NDUFAF2: variants seen among roughly 807,000 people sequenced by gnomAD.
The protein encoded by NDUFAF2 is NADH dehydrogenase [ubiquinone] 1 alpha subcomplex assembly factor 2.
In NDUFAF2, 13 loss-of-function variants were observed where a neutral mutation model predicts 22.8. That is an observed-to-expected ratio of 0.57 (90% confidence interval 0.37 to 0.91). NDUFAF2 has a LOEUF of 0.91. NDUFAF2 is among the 40% of genes least tolerant of loss of function. NDUFAF2 has a pLI of 0.01. For synonymous variants in NDUFAF2, 53 were observed against 64.2 expected, an observed-to-expected ratio of 0.83 and a Z score of 0.84; for missense variants, 162 against 195.2, an observed-to-expected ratio of 0.83 and a Z score of 1.01.
In NDUFAF2 at chr5:61,143,371, A is replaced by G. The variant is rs144508764; in HGVS notation, c.259-9333A>G. Reference sequence around the variant, plus strand: ...TAAAATAAAAATTATTCACTAGTATATATGGTTTAAATTATGGAAAGAAAT... The same window carrying G: ...TAAAATAAAAATTATTCACTAGTATGTATGGTTTAAATTATGGAAAGAAAT... On this transcript the variant is annotated intron_variant, in intron 3 of 3. Coordinates refer to ENST00000296597, the MANE Select transcript of NDUFAF2 (RefSeq NM_174889.5). Among the ~76,000 whole-genome samples the G allele has an allele frequency of 6.2e-4, 94 of 152,246 alleles. 4 individuals carry two copies. The South Asian group carries it at 0.012, about 20-fold the overall frequency.
chr5:61,015,905 T>C (rs13178029), intron 1 of NDUFAF2, among the ~76,000 whole-genome samples: 1 of 152,074 alleles, frequency 6.6e-6, no homozygotes, highest in Non-Finnish European at 1.5e-5. Flanking sequence ...AAAAGACTTA[T>C]GGCTGGGTGC....
intron 1 of NDUFAF2, among the ~76,000 whole-genome samples, chr5:61,046,342 G>T (rs1044938696): frequency 2.0e-5 from 3 of 152,048 alleles, no homozygotes; most frequent in Admixed American, 6.6e-5. Context: ...GAGTTCAGAA[G>T]TTTTTTTGGA....
intron 1 of NDUFAF2, among the ~76,000 whole-genome samples, chr5:61,001,451 G>GCTGT (rs1333627937): frequency 6.6e-6 from 1 of 152,082 alleles, no homozygotes; most frequent in Non-Finnish European, 1.5e-5. Context: ...ACGCTTATGT[G>GCTGT]CTGTCTGCTC....
At chr5:60,951,026 T>TTTTA (rs1171498576) in intron 1 of NDUFAF2, among the ~76,000 whole-genome samples, 7 of 152,090 alleles carry the variant, frequency 4.6e-5, no homozygotes, top group African/African-American at 4.8e-5. Context: ...GCTCCTTTCT[T>TTTTA]TTTATTTATT....
intron 1 of NDUFAF2, among the ~76,000 whole-genome samples, chr5:60,956,607 C>T (rs1750619038): frequency 6.6e-6 from 1 of 152,060 alleles, no homozygotes; most frequent in Non-Finnish European, 1.5e-5. Flanking sequence ...GATGGTCATA[C>T]AGTTTTTGTC....
intron 1 of NDUFAF2, among the ~76,000 whole-genome samples, chr5:60,985,435 A>G (rs1257126768): frequency 6.6e-6 from 1 of 152,034 alleles, no homozygotes; most frequent in Non-Finnish European, 1.5e-5. Context: ...ACCTTCTGCT[A>G]GCTTTTGAAT....
intron 1 of NDUFAF2, among the ~76,000 whole-genome samples, chr5:61,051,215 A>G (rs556360212): frequency 3.3e-5 from 5 of 152,258 alleles, no homozygotes; most frequent in South Asian, 4.1e-4. Context: ...CCTAACTGCT[A>G]TTTGATAGAT....
chr5:61,129,807 C>T (rs1203594955), intron 3 of NDUFAF2, among the ~76,000 whole-genome samples: 1 of 151,608 alleles, frequency 6.6e-6, no homozygotes, highest in Non-Finnish European at 1.5e-5. Context: ...AGGAAAAGTA[C>T]TTATAAGTAA....
chr5:61,089,117 G>C (rs1752538183), intron 2 of NDUFAF2, among the ~76,000 whole-genome samples: 2 of 152,082 alleles, frequency 1.3e-5, no homozygotes, highest in Admixed American at 6.6e-5. Context: ...GTGATTAAAG[G>C]GTGCTTTAAT....
chr5:61,021,735 A>C (rs1373758311), intron 1 of NDUFAF2, among the ~76,000 whole-genome samples: 3 of 152,268 alleles, frequency 2.0e-5, no homozygotes, highest in Non-Finnish European at 4.4e-5. Context: ...TTACCTTTGC[A>C]TACCATGCTC....
intron 1 of NDUFAF2, among the ~76,000 whole-genome samples, chr5:60,974,238 A>G (rs1750871577): frequency 6.6e-6 from 1 of 152,194 alleles, no homozygotes; most frequent in African/African-American, 2.4e-5. Flanking sequence ...TCTTTCTCCT[A>G]TGCCGGACGC....
At chr5:61,143,087 T>C (rs1293253691) in intron 3 of NDUFAF2, among the ~76,000 whole-genome samples, 1 of 152,150 alleles carries the variant, frequency 6.6e-6, no homozygotes, top group African/African-American at 2.4e-5. Context: ...AATATTCAAC[T>C]CTGAACGTTT....
intron 3 of NDUFAF2, among the ~76,000 whole-genome samples, chr5:61,139,561 A>G (rs375957258): frequency 4.7e-4 from 72 of 152,356 alleles, no homozygotes; most frequent in African/African-American, 1.7e-3. Flanking sequence ...GACAACTTAA[A>G]TTTGGTATGT....
chr5:61,107,756 G>A (rs988060684), intron 3 of NDUFAF2, among the ~76,000 whole-genome samples: 9 of 149,764 alleles, frequency 6.0e-5, no homozygotes, highest in Admixed American at 3.3e-4. Flanking sequence ...ATGCTGGTGC[G>A]CTGCACCCAC....
chr5:61,044,181 G>A (rs1209803629), intron 1 of NDUFAF2, among the ~76,000 whole-genome samples: 1 of 151,362 alleles, frequency 6.6e-6, no homozygotes, highest in South Asian at 2.1e-4. Flanking sequence ...TAGGTCCTTT[G>A]CTTATTTTTT....
chr5:61,104,800 T>C (rs1752742998), intron 3 of NDUFAF2, among the ~76,000 whole-genome samples: 1 of 151,722 alleles, frequency 6.6e-6, no homozygotes, highest in African/African-American at 2.4e-5. Flanking sequence ...TTGGTAAATA[T>C]GACATTGGAA....
intron 3 of NDUFAF2, among the ~76,000 whole-genome samples, chr5:61,113,151 G>T (rs1752866712): frequency 6.6e-6 from 1 of 152,006 alleles, no homozygotes; most frequent in African/African-American, 2.4e-5. Flanking sequence ...TCATCTTTTA[G>T]TCTTTCTCCT....
chr5:60,965,411 A>G (rs1052449313), intron 1 of NDUFAF2, among the ~76,000 whole-genome samples: 3 of 152,158 alleles, frequency 2.0e-5, no homozygotes, highest in African/African-American at 7.2e-5. Context: ...GCAATTTTCA[A>G]GTATATAATA....
At chr5:61,059,514 G>C (rs928205529) in intron 1 of NDUFAF2, among the ~76,000 whole-genome samples, 1 of 152,016 alleles carries the variant, frequency 6.6e-6, no homozygotes, top group Non-Finnish European at 1.5e-5. Flanking sequence ...TAGGAAATAG[G>C]TTACTTGGAA....
Sources: allele counts gnomAD v4.1 joint callset (sites outside exome capture counted in the v4.1 genomes callset), GRCh38; gene constraint gnomAD v4.1.1; transcripts MANE v1.5; gene names NCBI Gene and HGNC (gene_info 2026-07-23, HGNC 2026-07-21).